WWOX: variants seen among roughly 807,000 people sequenced by gnomAD.
The protein encoded by WWOX is WW domain-containing oxidoreductase.
WWOX carries 69 observed loss-of-function variants against 46.2 expected under a neutral mutation model. The observed-to-expected ratio is 1.49, with a 90% CI of 1.23 to 1.82. The LOEUF (loss-of-function observed/expected upper bound fraction) is 1.82, where lower values mean the gene tolerates loss of function less well. Among genes scored for constraint, WWOX ranks in the 40% most tolerant of loss-of-function variants. The pLI is 0.00. For missense variants in WWOX, 919 were observed against 542.6 expected (o/e 1.69, Z -6.89); for synonymous variants, 359 against 202.6 (o/e 1.77, Z -6.56).
intron 8 of WWOX, among the ~76,000 whole-genome samples, chr16:78,756,641 T>A (rs1425138796): frequency 6.6e-6 from 1 of 152,158 alleles, no homozygotes; most frequent in African/African-American, 2.4e-5. Flanking sequence ...ATTCTAGCAT[T>A]TTTACACTCC....
intron 8 of WWOX, among the ~76,000 whole-genome samples, chr16:78,672,079 T>C (rs912609427): frequency 1.3e-5 from 2 of 152,228 alleles, no homozygotes; most frequent in Admixed American, 6.5e-5. Flanking sequence ...CATTCTGTTA[T>C]CTTACTTCAC....
chr16:78,401,807 C>T (rs1360762068), intron 6 of WWOX, among the ~76,000 whole-genome samples: 3 of 152,202 alleles, frequency 2.0e-5, no homozygotes, highest in East Asian at 1.9e-4. Flanking sequence ...TCAAGTGATT[C>T]TCCTGCCTCA....
chr16:78,620,295 C>CT (rs2046145161), intron 8 of WWOX, among the ~76,000 whole-genome samples: 1 of 152,208 alleles, frequency 6.6e-6, no homozygotes, highest in Non-Finnish European at 1.5e-5. Context: ...CCATGGCTTT[C>CT]TGCTAAGAAC....
intron 8 of WWOX, among the ~76,000 whole-genome samples, chr16:78,979,164 A>G (rs1009727034): frequency 1.4e-5 from 2 of 139,292 alleles, no homozygotes; most frequent in African/African-American, 2.7e-5. Context: ...ATCTTGTTTT[A>G]TGCTACATGC....
intron 5 of WWOX, among the ~76,000 whole-genome samples, chr16:78,298,420 C>G (rs2079977925): frequency 6.6e-6 from 1 of 152,084 alleles, no homozygotes; most frequent in East Asian, 1.9e-4. Flanking sequence ...TGGCTCTGCC[C>G]CTCAATGCCT....
intron 8 of WWOX, among the ~76,000 whole-genome samples, chr16:78,872,024 C>T (rs1043832253): frequency 6.6e-6 from 1 of 152,214 alleles, no homozygotes; most frequent in African/African-American, 2.4e-5. Flanking sequence ...GGAGAGAAAT[C>T]TCTAGTCTAG....
chr16:78,381,405 A>G (rs575990932), intron 5 of WWOX, among the ~76,000 whole-genome samples: 29 of 151,946 alleles, frequency 1.9e-4, no homozygotes, highest in African/African-American at 6.3e-4. Flanking sequence ...ACTATATTCA[A>G]GGGAAATGGG....
chr16:78,197,279 C>T (rs57845043), intron 5 of WWOX, among the ~76,000 whole-genome samples: 145 of 152,324 alleles, frequency 9.5e-4, no homozygotes, highest in African/African-American at 3.2e-3. Context: ...CTGACTCTTT[C>T]CCATATACCA....
chr16:78,126,282 G>T (rs915394914), intron 4 of WWOX, among the ~76,000 whole-genome samples: 3 of 152,206 alleles, frequency 2.0e-5, no homozygotes, highest in Admixed American at 6.5e-5. Flanking sequence ...ATTGCTGAAT[G>T]AAGTGATTTG....
intron 4 of WWOX, chr16:78,118,871 C>G (rs554115339): frequency 6.6e-6 from 1 of 151,792 alleles, no homozygotes. Context: ...GAAACCCCCG[C>G]CTTTTTTTTA....
At chr16:79,143,852 C>G (rs367733386) in intron 8 of WWOX, among the ~76,000 whole-genome samples, 1 of 152,018 alleles carries the variant, frequency 6.6e-6, no homozygotes, top group Admixed American at 6.6e-5. Flanking sequence ...GATATGAAGC[C>G]GATGCAGCTA....
intron 8 of WWOX, among the ~76,000 whole-genome samples, chr16:78,807,802 C>T (rs548200744): frequency 2.0e-5 from 3 of 152,314 alleles, no homozygotes; most frequent in Admixed American, 2.0e-4. Flanking sequence ...CCACATGTGG[C>T]TATTTAAACT....
At chr16:78,821,872 A>G (rs759588541) in intron 8 of WWOX, among the ~76,000 whole-genome samples, 4 of 152,128 alleles carry the variant, frequency 2.6e-5, no homozygotes, top group Admixed American at 6.5e-5. Context: ...CCCATCTTCA[A>G]ATATTAAAAT....
At chr16:78,219,440 T>C (rs542656800) in intron 5 of WWOX, among the ~76,000 whole-genome samples, 1 of 152,170 alleles carries the variant, frequency 6.6e-6, no homozygotes, top group African/African-American at 2.4e-5. Flanking sequence ...CACAGCCAGA[T>C]AACAACAACA....
intron 5 of WWOX, among the ~76,000 whole-genome samples, chr16:78,367,794 G>T (rs2081574248): frequency 6.6e-6 from 1 of 150,976 alleles, no homozygotes; most frequent in Non-Finnish European, 1.5e-5. Flanking sequence ...GTCTCGCTCT[G>T]TCACCAGGCT....
At chr16:78,579,570 A>T (rs948108093) in intron 8 of WWOX, among the ~76,000 whole-genome samples, 1 of 152,162 alleles carries the variant, frequency 6.6e-6, no homozygotes, top group Admixed American at 6.5e-5. Context: ...AGACTGCGGA[A>T]GTGGCTTTCT....
chr16:78,540,126 G>T (rs2043856427), intron 8 of WWOX, among the ~76,000 whole-genome samples: 1 of 151,070 alleles, frequency 6.6e-6, no homozygotes. Flanking sequence ...TCCGATCTGT[G>T]TTCAATTTCT....
intron 8 of WWOX, among the ~76,000 whole-genome samples, chr16:78,599,983 G>A (rs2045582534): frequency 2.0e-5 from 3 of 152,158 alleles, no homozygotes; most frequent in South Asian, 4.1e-4. Flanking sequence ...ATGCAGGAAA[G>A]AGGCTTAGTG....
intron 1 of WWOX, 101 bp downstream of exon 1, chr16:78,099,986 G>A: frequency 1.3e-6 from 2 of 1,513,206 alleles, no homozygotes. Flanking sequence ...CAGCGCGTGC[G>A]GTGCAAAGTG....
Sources: allele counts gnomAD v4.1 joint callset (sites outside exome capture counted in the v4.1 genomes callset), GRCh38; gene constraint gnomAD v4.1.1; transcripts MANE v1.5; gene names NCBI Gene and HGNC (gene_info 2026-07-23, HGNC 2026-07-21).